The following CAMTA1 variants were observed in gnomAD, a reference collection of about 807,000 sequenced individuals.
CAMTA1 encodes the protein calmodulin-binding transcription activator 1.
In CAMTA1, 27 loss-of-function variants were observed where a neutral mutation model predicts 170.9. That is an observed-to-expected ratio of 0.16 (90% CI 0.12 to 0.22). CAMTA1 has a LOEUF of 0.22. Ranked by LOEUF, CAMTA1 falls within the 10% of genes least tolerant of loss-of-function variation. The pLI is 1.00. For synonymous variants in CAMTA1, 833 were observed against 891.5 expected, an observed-to-expected ratio of 0.93 and a Z score of 1.17; for missense variants, 1,619 against 2,217.2, an observed-to-expected ratio of 0.73 and a Z score of 5.42.
At chr1:7,254,248 C>T (rs1667036670) in intron 5 of CAMTA1, among the ~76,000 whole-genome samples, 1 of 152,210 alleles carries the variant, frequency 6.6e-6, no homozygotes, top group Non-Finnish European at 1.5e-5. Context: ...AGGTCTTATC[C>T]TCCTAGCAAC....
chr1:7,630,734 C>T (rs1387536710), intron 6 of CAMTA1, among the ~76,000 whole-genome samples: 2 of 152,242 alleles, frequency 1.3e-5, no homozygotes, highest in Non-Finnish European at 2.9e-5. Flanking sequence ...CTGCCCTCGC[C>T]TGTAGGCCCT....
intron 6 of CAMTA1, among the ~76,000 whole-genome samples, chr1:7,553,953 C>T (rs976286726): frequency 2.0e-5 from 3 of 152,284 alleles, no homozygotes; most frequent in South Asian, 4.2e-4. Flanking sequence ...TACTCAGGTC[C>T]TAGCAATTTG....
intron 5 of CAMTA1, among the ~76,000 whole-genome samples, chr1:7,312,491 G>C (rs1248479464): frequency 1.3e-5 from 2 of 152,102 alleles, no homozygotes; most frequent in Non-Finnish European, 2.9e-5. Flanking sequence ...GGCTCTTTCA[G>C]GGGTGTTTCT....
At chr1:7,057,003 C>T (rs765373973) in intron 3 of CAMTA1, among the ~76,000 whole-genome samples, 12 of 152,144 alleles carry the variant, frequency 7.9e-5, no homozygotes, top group Non-Finnish European at 1.3e-4. Context: ...ACCTCTTCTC[C>T]TCCTGTCTGC....
chr1:7,276,303 A>AT (rs1180773965), intron 5 of CAMTA1, among the ~76,000 whole-genome samples: 11 of 24,226 alleles, frequency 4.5e-4, no homozygotes, highest in Admixed American at 2.6e-3. Context: ...ATATATATAT[A>AT]TTTTTTTTTT....
intron 6 of CAMTA1, among the ~76,000 whole-genome samples, chr1:7,639,603 T>G (rs1312965074): frequency 1.3e-5 from 2 of 151,900 alleles, no homozygotes; most frequent in Non-Finnish European, 2.9e-5. Flanking sequence ...TGAGACCCCA[T>G]CTCTACAAAA....
rs921127785 is a variant in CAMTA1, at chr1:7,592,584, G to T, written c.511-47816G>T. On this transcript the variant is annotated intron_variant, in intron 6 of 22. Coordinates refer to ENST00000303635, the MANE Select transcript of CAMTA1 (RefSeq NM_015215.4). This position sits in a 1 kb window ranked among gnomAD's most constrained non-coding sequence, Gnocchi z 4.6. Reference sequence around the variant, plus strand: ...CTTAGGGACACAGGGCCGTGGGAAAGACCTGCTGTCCTGCAAGCCACCTAC... The same window carrying T: ...CTTAGGGACACAGGGCCGTGGGAAATACCTGCTGTCCTGCAAGCCACCTAC... 2.6e-5 allele frequency among the ~76,000 whole-genome samples: 4 copies of T among 152,190 alleles called. No individual in the cohort carries two copies. The highest frequency in any genetic ancestry group is 7.2e-5 in the African/African-American group (3 of 41,450).
chr1:7,471,871 C>G (rs904917862), intron 6 of CAMTA1, among the ~76,000 whole-genome samples: 1 of 152,246 alleles, frequency 6.6e-6, no homozygotes, highest in African/African-American at 2.4e-5. Flanking sequence ...CTCCACCTTC[C>G]GTCCTTCTCT....
intron 7 of CAMTA1, among the ~76,000 whole-genome samples, chr1:7,648,936 G>A (rs1162359592): frequency 1.3e-5 from 2 of 152,240 alleles, no homozygotes; most frequent in African/African-American, 2.4e-5. Flanking sequence ...AGCAGGACCA[G>A]CACCTCTTTG....
At position 7,588,044 on chromosome 1, in the gene CAMTA1, A is replaced by G. The variant is rs1405569736; in HGVS notation, c.511-52356A>G. 6.6e-6 allele frequency among the ~76,000 whole-genome samples: 1 copy of G among 152,074 alleles called. No individual in the cohort carries two copies. The highest frequency in any genetic ancestry group is 2.4e-5 in the African/African-American group (1 of 41,344). On this transcript the variant is annotated intron_variant, in intron 6 of 22. Transcript: ENST00000303635. The surrounding 1 kb of genome is among the most constrained non-coding windows in gnomAD (Gnocchi z 5.8). ...CATTCCTCGTTCAAGTGCGTGTGGCAGCCTCCACCGTGCAGGTGGGCACTG... is the reference window on the plus strand; with the variant it reads ...CATTCCTCGTTCAAGTGCGTGTGGCGGCCTCCACCGTGCAGGTGGGCACTG...
chr1:7,528,832 T>TGAAC (rs939385467), intron 6 of CAMTA1, among the ~76,000 whole-genome samples: 1 of 146,328 alleles, frequency 6.8e-6, no homozygotes, highest in African/African-American at 2.5e-5. Context: ...AATGAATGAA[T>TGAAC]GAATGAAGTG....
chr1:6,830,082 G>A, intron 3 of CAMTA1, among the ~76,000 whole-genome samples: 1 of 151,450 alleles, frequency 6.6e-6, no homozygotes, highest in Admixed American at 6.6e-5. Flanking sequence ...TGTCGCCCAG[G>A]CTGGAGTGCA....
chr1:7,298,375 G>C (rs1458590627), intron 5 of CAMTA1, among the ~76,000 whole-genome samples: 1 of 152,164 alleles, frequency 6.6e-6, no homozygotes, highest in Admixed American at 6.5e-5. Flanking sequence ...ACAAGTTCCT[G>C]TGGATCCCCT....
At position 7,664,784 on chromosome 1, in the gene CAMTA1, C is replaced by A. The variant is rs1482561624; in HGVS notation, c.2237C>A (p.Pro746His). 1.2e-6 allele frequency: 2 copies of A among 1,612,406 alleles called. No homozygotes were observed. The highest frequency in any genetic ancestry group is 1.3e-5 in the African/African-American group (1 of 74,928). Residue 746 changes from proline to histidine, a missense_variant, in exon 9 of 23, where the codon CCC becomes CAC. Pro to His is a moderately conservative substitution (Grantham distance 77, BLOSUM62 -2). Transcript: ENST00000303635. ...LPGNVVQGLYPVAQPSLGNAS... is the reference protein window; with the variant it reads ...LPGNVVQGLYHVAQPSLGNAS... The stretch of plus-strand genomic sequence containing the variant: ...GGCAACGTGGTGCAGGGACTCTACC[C>A]CGTGGCCCAGCCCAGCCTCGGCAAC...
intron 22 of CAMTA1, among the ~76,000 whole-genome samples, chr1:7,763,233 T>C (rs2150311449): frequency 6.6e-6 from 1 of 152,316 alleles, no homozygotes; most frequent in South Asian, 2.1e-4. Context: ...ATTTAATACT[T>C]TTTCTCTCTC....
At chr1:7,512,969 C>A (rs1254426363) in intron 6 of CAMTA1, among the ~76,000 whole-genome samples, 3 of 152,172 alleles carry the variant, frequency 2.0e-5, no homozygotes, top group Admixed American at 2.0e-4. Context: ...GGGAAGATGG[C>A]AGGGGTCCCT....
chr1:7,454,496 C>G (rs1178685348), intron 5 of CAMTA1, among the ~76,000 whole-genome samples: 1 of 152,208 alleles, frequency 6.6e-6, no homozygotes, highest in Admixed American at 6.5e-5. Context: ...CGGCCACTGG[C>G]CCACAGTCAT....
Position 7,181,453 on chromosome 1 carries a change from T to A in CAMTA1, c.303-68038T>A, listed in dbSNP as rs548766397. On this transcript the variant is annotated intron_variant, in intron 4 of 22. Coordinates refer to ENST00000303635, the MANE Select transcript of CAMTA1 (RefSeq NM_015215.4). Reference sequence around the variant, plus strand: ...AAAAGAAGAACCAGAACTATCTCAGTTTGCACATGATATGATAGTATACTG... The same window carrying A: ...AAAAGAAGAACCAGAACTATCTCAGATTGCACATGATATGATAGTATACTG... Among the ~76,000 whole-genome samples the A allele has an allele frequency of 7.9e-5, 12 of 152,276 alleles. No individual in the cohort carries two copies. The South Asian group carries it at 2.3e-3, about 29-fold the overall frequency.
chr1:7,373,511 C>T (rs546374530), intron 5 of CAMTA1, among the ~76,000 whole-genome samples: 28 of 152,184 alleles, frequency 1.8e-4, no homozygotes, highest in Non-Finnish European at 3.5e-4. Flanking sequence ...GTGGTGGCTA[C>T]GTGGCCTCCA....
Sources: gnomAD v4.1 joint callset for allele counts (sites outside exome capture counted in the v4.1 genomes callset) on GRCh38, gnomAD v4.1.1 for gene constraint, Gnocchi (gnomAD v3.1) non-coding constraint, MANE v1.5 for transcripts, NCBI Gene and HGNC (gene_info 2026-07-23, HGNC 2026-07-21) for gene names.